Variants in NCALD observed in about 807,000 individuals in gnomAD.
NCALD encodes neurocalcin-delta.
NCALD carries 10 observed loss-of-function variants against 18.6 expected under a neutral mutation model. The ratio of observed to expected loss-of-function variants is 0.54; its 90% CI spans 0.33 to 0.91. The LOEUF is 0.91. Ranked by LOEUF, NCALD falls within the 40% of genes least tolerant of loss-of-function variation. NCALD has a pLI of 0.03. For missense variants in NCALD, 184 were observed against 247.6 expected (o/e 0.74, Z 1.72); for synonymous variants, 88 against 87.4 (o/e 1.01, Z -0.04).
chr8:101,892,217 G>A (rs1816930709), intron 3 of NCALD, among the ~76,000 whole-genome samples: 1 of 149,454 alleles, frequency 6.7e-6, no homozygotes, highest in African/African-American at 2.5e-5. Context: ...TGACCCCCGA[G>A]CAGCCGAACT....
intron 4 of NCALD, among the ~76,000 whole-genome samples, chr8:101,824,911 G>A (rs1213472295): frequency 1.3e-5 from 2 of 152,154 alleles, no homozygotes; most frequent in Admixed American, 6.5e-5. Context: ...AGAGGAATCT[G>A]GACGCTATCA....
At chr8:101,994,560 G>A (rs896282300) in intron 2 of NCALD, among the ~76,000 whole-genome samples, 3 of 152,204 alleles carry the variant, frequency 2.0e-5, no homozygotes, top group Admixed American at 6.5e-5. Flanking sequence ...CTAGCACAGT[G>A]GTTAAAGACA....
At chr8:102,058,016 T>G (rs1823715287) in intron 1 of NCALD, among the ~76,000 whole-genome samples, 1 of 152,230 alleles carries the variant, frequency 6.6e-6, no homozygotes. Flanking sequence ...TGAAGATGCA[T>G]TCCAGAGCAC....
rs1814559796 is a variant in NCALD at position 101,688,438 on chromosome 8, T to C, written c.*871A>G. The C allele has an allele frequency of 6.9e-6, 2 of 287,782 alleles. No homozygotes were observed. The highest frequency in any genetic ancestry group is 3.5e-5 in the South Asian group (1 of 28,230). 17.8% of individuals were successfully genotyped at this position (287,782 alleles called of 1,614,324 possible). ...TTCCAAACAAGACAGACATTCATTA[T>C]AGTTGTCTTACTTCACAATAAGCTA... On this transcript the variant is annotated 3_prime_UTR_variant, in exon 4 of 4. Transcript: ENST00000220931.
chr8:102,071,455 T>C (rs1563592201), intron 1 of NCALD, among the ~76,000 whole-genome samples: 1 of 152,186 alleles, frequency 6.6e-6, no homozygotes, highest in Non-Finnish European at 1.5e-5. Flanking sequence ...CAAAGCATCT[T>C]GTCTCAGGCA....
At chr8:101,788,940 G>T (rs767277309) in intron 1 of NCALD, 4 of 136,174 alleles carry the variant, frequency 2.9e-5, no homozygotes, top group African/African-American at 7.5e-5. Flanking sequence ...CACAGCATAG[G>T]TTGTTTTCTT....
At chr8:101,851,779 G>A (rs903642365) in intron 4 of NCALD, among the ~76,000 whole-genome samples, 1 of 152,108 alleles carries the variant, frequency 6.6e-6, no homozygotes, top group Admixed American at 6.5e-5. Flanking sequence ...CTTTACAACA[G>A]CTCCATGAAG....
intron 4 of NCALD, among the ~76,000 whole-genome samples, chr8:101,867,800 G>T (rs1256625097): frequency 1.3e-5 from 2 of 152,062 alleles, no homozygotes; most frequent in Non-Finnish European, 2.9e-5. Context: ...TCGGCTTTGG[G>T]TAATTTACTT....
At position 101,807,724 on chromosome 8, in the gene NCALD, A is replaced by G. The variant is rs113906289; in HGVS notation, c.-20+79417T>C. On this transcript the variant is annotated intron_variant, in intron 4 of 6. Coordinates refer to the NCALD transcript ENST00000311028. ...ACTTGCAGTCATAAAGGGTTACAGC[A>G]AAGTTACTGAAATACTGGTAAAAAT... Among the ~76,000 whole-genome samples the G allele has an allele frequency of 5.7e-3, 871 of 152,360 alleles. 11 individuals carry two copies. The highest frequency in any genetic ancestry group is 0.018 in the African/African-American group (765 of 41,584).
chr8:102,093,914 C>T (rs181176699), intron 1 of NCALD, among the ~76,000 whole-genome samples: 1 of 152,280 alleles, frequency 6.6e-6, no homozygotes, highest in East Asian at 1.9e-4. Context: ...TAATACCCTA[C>T]AAATTCCTGA....
intron 2 of NCALD, among the ~76,000 whole-genome samples, chr8:101,956,190 C>G (rs1819616626): frequency 6.6e-6 from 1 of 152,092 alleles, no homozygotes; most frequent in South Asian, 2.1e-4. Flanking sequence ...CTTATCCACC[C>G]CCAAAGAGAC....
intron 2 of NCALD, among the ~76,000 whole-genome samples, chr8:102,002,140 T>C (rs1197070118): frequency 6.6e-6 from 1 of 152,112 alleles, no homozygotes; most frequent in Non-Finnish European, 1.5e-5. Context: ...CCATCTCACA[T>C]GCAAAGACAC....
chr8:101,733,410 T>C (rs1816930505), intron 1 of NCALD, among the ~76,000 whole-genome samples: 1 of 152,170 alleles, frequency 6.6e-6, no homozygotes, highest in Non-Finnish European at 1.5e-5. Flanking sequence ...TCCTTGAACA[T>C]CTCTTGGTCT....
chr8:102,074,747 A>G (rs1421468784), intron 1 of NCALD, among the ~76,000 whole-genome samples: 1 of 151,820 alleles, frequency 6.6e-6, no homozygotes, highest in Non-Finnish European at 1.5e-5. Context: ...ACAGGTTTAC[A>G]TCTACTTTCT....
At chr8:101,761,034 G>T (rs1320144527) in intron 1 of NCALD, among the ~76,000 whole-genome samples, 1 of 106,384 alleles carries the variant, frequency 9.4e-6, no homozygotes, top group African/African-American at 3.7e-5. Flanking sequence ...GGGGCGGGGG[G>T]AGGGATGCTT....
chr8:102,084,459 G>A (rs570313616), intron 1 of NCALD, among the ~76,000 whole-genome samples: 43 of 152,340 alleles, frequency 2.8e-4, no homozygotes, highest in African/African-American at 8.4e-4. Context: ...CCAAGGGGGC[G>A]ACTTGAGAGA....
At chr8:101,954,234 C>A (rs1282737091) in intron 2 of NCALD, among the ~76,000 whole-genome samples, 1 of 152,188 alleles carries the variant, frequency 6.6e-6, no homozygotes, top group African/African-American at 2.4e-5. Flanking sequence ...ATGATGGTGA[C>A]TTGGACATCA....
chr8:101,824,595 G>A (rs1259181871), intron 4 of NCALD, among the ~76,000 whole-genome samples: 1 of 151,888 alleles, frequency 6.6e-6, no homozygotes, highest in East Asian at 1.9e-4. Context: ...AGCTGAAAAT[G>A]GCAAAGAATT....
chr8:101,934,914 G>C (rs867158041), intron 2 of NCALD, among the ~76,000 whole-genome samples: 6 of 152,098 alleles, frequency 3.9e-5, no homozygotes, highest in Non-Finnish European at 5.9e-5. Context: ...TCAGACTTAG[G>C]CAAAACTAAA....
Sources: gnomAD v4.1 joint callset for allele counts (sites outside exome capture counted in the v4.1 genomes callset) on GRCh38, gnomAD v4.1.1 for gene constraint, MANE v1.5 for transcripts, NCBI Gene and HGNC (gene_info 2026-07-23, HGNC 2026-07-21) for gene names.